The following KCNU1 variants were observed in gnomAD, a reference collection of about 807,000 sequenced individuals.
KCNU1 encodes the protein potassium calcium-activated channel subfamily U member 1.
A neutral mutation model predicts 126.8 loss-of-function variants in KCNU1; 93 were observed. The ratio of observed to expected loss-of-function variants is 0.73; its 90% CI spans 0.62 to 0.87. KCNU1 has a LOEUF of 0.87. Ranked by LOEUF, KCNU1 falls within the 40% of genes least tolerant of loss-of-function variation. The pLI, the probability that KCNU1 is intolerant of heterozygous loss-of-function variation, is 0.00. For missense variants in KCNU1, 1,330 were observed against 1,367.1 expected (o/e 0.97, Z 0.43); for synonymous variants, 523 against 494.2 (o/e 1.06, Z -0.77).
chr8:36,925,268 A>G, intron 24 of KCNU1, among the ~76,000 whole-genome samples: 1 of 152,184 alleles, frequency 6.6e-6, no homozygotes, highest in East Asian at 1.9e-4. Flanking sequence ...TCGCCTTCAG[A>G]ACTCTTGATA....
At position 36,806,292 on chromosome 8, in the gene KCNU1, C is replaced by T. The variant is rs1803499856; in HGVS notation, c.492C>T (p.Ile164=). The change falls in exon 5 of 27, where the codon ATC becomes ATT. Residue 164 remains isoleucine, a synonymous_variant. Coordinates refer to ENST00000399881, the MANE Select transcript of KCNU1 (RefSeq NM_001031836.3). ...GLRFMAADDK[I]KFWLEMNSIV... ...AGTTTATGGCAGCTGATGACAAGAT[C>T]AAGTTCTGGCTGGAGATGAATTCAA... 6.2e-7 allele frequency: 1 copy of T among 1,609,810 alleles called. No homozygotes were observed. Among genetic ancestry groups the T allele is most frequent in the Middle Eastern group, 1.7e-4 (1 of 6,038 alleles).
intron 19 of KCNU1, among the ~76,000 whole-genome samples, chr8:36,901,078 A>T (rs1374677589): frequency 6.6e-6 from 1 of 152,106 alleles, no homozygotes; most frequent in Non-Finnish European, 1.5e-5. Flanking sequence ...AAGAAAAAAA[A>T]AAGGGAATTG....
intron 14 of KCNU1, 48 bp downstream of exon 14, chr8:36,836,993 A>G: frequency 1.3e-6 from 2 of 1,585,484 alleles, no homozygotes; most frequent in Non-Finnish European, 1.7e-6. Context: ...CCTATGTCCT[A>G]CATATTAAGA....
At chr8:36,880,586 A>G (rs1806440037) in intron 19 of KCNU1, among the ~76,000 whole-genome samples, 1 of 152,024 alleles carries the variant, frequency 6.6e-6, no homozygotes, top group South Asian at 2.1e-4. Flanking sequence ...AGAGGTGGGG[A>G]AGTTGCTGTT....
At chr8:36,910,688 T>G (rs1807835418) in intron 21 of KCNU1, among the ~76,000 whole-genome samples, 2 of 152,172 alleles carry the variant, frequency 1.3e-5, no homozygotes, top group Non-Finnish European at 2.9e-5. Flanking sequence ...CTCCCCACTC[T>G]CCTCTGTCTC....
chr8:36,796,296 G>C (rs1803096118), intron 2 of KCNU1, among the ~76,000 whole-genome samples: 1 of 152,108 alleles, frequency 6.6e-6, no homozygotes, highest in African/African-American at 2.4e-5. Flanking sequence ...GGAATTTATG[G>C]AGAAATTCTT....
At chr8:36,878,993 T>C (rs1010659133) in intron 19 of KCNU1, among the ~76,000 whole-genome samples, 1 of 147,916 alleles carries the variant, frequency 6.8e-6, no homozygotes. Flanking sequence ...TGAAATTTAC[T>C]TAGCAACTAT....
intron 19 of KCNU1, among the ~76,000 whole-genome samples, chr8:36,899,448 C>T (rs1458000145): frequency 2.6e-5 from 4 of 152,028 alleles, no homozygotes; most frequent in South Asian, 4.1e-4. Context: ...CATTCTCCTA[C>T]GTAAACTGAA....
chr8:36,920,062 C>T (rs1808283363), intron 23 of KCNU1, among the ~76,000 whole-genome samples: 1 of 152,154 alleles, frequency 6.6e-6, no homozygotes. Context: ...TTGGAACCAC[C>T]TTGAAGCTGT....
intron 12 of KCNU1, among the ~76,000 whole-genome samples, chr8:36,835,293 G>T (rs907850454): frequency 1.3e-5 from 2 of 151,872 alleles, no homozygotes; most frequent in Non-Finnish European, 2.9e-5. Context: ...TGCGTGGTCC[G>T]GTATGACGTG....
chr8:36,935,769 CT>C lies in KCNU1; in HGVS notation c.3303del (p.Pro1102LeufsTer4). 2.5e-6 allele frequency: 4 copies of C among 1,613,486 alleles called. No homozygotes were observed. The highest frequency in any genetic ancestry group is 3.4e-6 in the Non-Finnish European group (4 of 1,179,558). ...TACCAGCCGAGAACTAACTCCCTCT[CT>C]TTTCCTAAGCAAATAGCATGGAATC... is the stretch of plus-strand genomic sequence containing the variant. ...YSYQPRTNSLSFPKQIAWNQS... is the reference protein window; with the variant it reads ...YSYQPRTNSLXFPKQIAWNQS... On this transcript the variant is annotated frameshift_variant, in exon 27 of 27. Coordinates refer to ENST00000399881, the MANE Select transcript of KCNU1 (RefSeq NM_001031836.3). LOFTEE classifies it low-confidence loss of function (END_TRUNC).
chr8:36,848,141 T>A (rs995805084), intron 18 of KCNU1, among the ~76,000 whole-genome samples: 2 of 152,218 alleles, frequency 1.3e-5, no homozygotes, highest in African/African-American at 4.8e-5. Context: ...TTTTCCTATT[T>A]TAATCAGATT....
At chr8:36,831,073 A>G (rs1804528370) in intron 10 of KCNU1, among the ~76,000 whole-genome samples, 2 of 151,846 alleles carry the variant, frequency 1.3e-5, no homozygotes, top group African/African-American at 4.8e-5. Context: ...CCATGTCCCT[A>G]CAAGGGACAT....
intron 18 of KCNU1, 100 bp from the exon 19 acceptor site, chr8:36,864,304 C>T (rs1394377939): frequency 1.3e-6 from 1 of 757,902 alleles, no homozygotes; most frequent in African/African-American, 1.7e-5. Flanking sequence ...CCCAGCCTTT[C>T]CCTAGTCAAG....
At chr8:36,817,526 T>G (rs1232127788) in intron 9 of KCNU1, 124 bp from the exon 10 acceptor site, 1 of 320,912 alleles carries the variant, frequency 3.1e-6, no homozygotes, top group Non-Finnish European at 5.5e-6. Flanking sequence ...AAAAAAAAAA[T>G]CTGGGTGATG....
At chr8:36,910,669 C>T (rs990917379) in intron 21 of KCNU1, among the ~76,000 whole-genome samples, 7 of 152,168 alleles carry the variant, frequency 4.6e-5, no homozygotes, top group South Asian at 2.1e-4. Context: ...CACGGACTTA[C>T]GTTCCTCCCT....
intron 19 of KCNU1, among the ~76,000 whole-genome samples, chr8:36,895,948 C>G (rs1445398184): frequency 6.6e-6 from 1 of 151,898 alleles, no homozygotes; most frequent in African/African-American, 2.4e-5. Flanking sequence ...TCTTGGAGCA[C>G]TATTGGTATT....
At chr8:36,801,598 C>T (rs1440231861) in intron 2 of KCNU1, among the ~76,000 whole-genome samples, 2 of 151,716 alleles carry the variant, frequency 1.3e-5, no homozygotes, top group Non-Finnish European at 2.9e-5. Context: ...TGTACATAAT[C>T]ATATGTAAAG....
At chr8:36,795,903 G>A (rs1391165208) in intron 2 of KCNU1, 2 of 152,242 alleles carry the variant, frequency 1.3e-5, no homozygotes. Context: ...AGAGGCACAG[G>A]ACAGCACCAC....
Sources: gnomAD v4.1 joint callset for allele counts (sites outside exome capture counted in the v4.1 genomes callset) on GRCh38, gnomAD v4.1.1 for gene constraint, MANE v1.5 for transcripts, NCBI Gene and HGNC (gene_info 2026-07-23, HGNC 2026-07-21) for gene names.